The following GALNT16 variants were observed in gnomAD, a reference collection of about 807,000 sequenced individuals.
GALNT16 encodes UDP-GalNAc:polypeptide N-acetylgalactosaminyltransferase-like protein 1.
Under a neutral mutation model 76.1 loss-of-function variants are expected in GALNT16, and 40 were observed. The observed-to-expected ratio is 0.53, with a 90% CI of 0.41 to 0.68. The LOEUF is 0.68. GALNT16 is among the 30% of genes least tolerant of loss of function. The probability of loss-of-function intolerance (pLI) is 0.00; values close to 1 mark genes in which losing one functional copy is unlikely to be tolerated. For synonymous variants in GALNT16, 276 were observed against 285.2 expected, an observed-to-expected ratio of 0.97 and a Z score of 0.32; for missense variants, 621 against 731.9, an observed-to-expected ratio of 0.85 and a Z score of 1.75.
At chr14:69,316,782 G>GGGT (rs61163099) in intron 1 of GALNT16, among the ~76,000 whole-genome samples, 2 of 139,694 alleles carry the variant, frequency 1.4e-5, no homozygotes, top group East Asian at 2.2e-4. Context: ...TGTGAGGGGG[G>GGGT]GGGGCACTGA....
intron 1 of GALNT16, among the ~76,000 whole-genome samples, chr14:69,318,097 G>T (rs769456343): frequency 6.6e-6 from 1 of 152,154 alleles, no homozygotes; most frequent in Non-Finnish European, 1.5e-5. Flanking sequence ...GGAACAGCAG[G>T]GTCATCCTGA....
chr14:69,361,169 T>C (rs1045159739), downstream of GALNT16, among the ~76,000 whole-genome samples: 12 of 152,370 alleles, frequency 7.9e-5, no homozygotes, highest in South Asian at 2.5e-3. Context: ...TCCTCCAGCC[T>C]GCAGGACAGG....
intron 2 of GALNT16, among the ~76,000 whole-genome samples, chr14:69,322,975 TGTGTGTGCGCGCGCAC>T (rs1449014749): frequency 0.023 from 1,023 of 44,314 alleles, 50 homozygotes; most frequent in African/African-American, 0.15. Context: ...TGTGTGTGTG[TGTGTGTGCGCGCGCAC>T]GCGCGCACGC....
chr14:69,330,299 C>T lies in GALNT16; in HGVS notation c.691-1165C>T, dbSNP rs111742141. Reference sequence around the variant, plus strand: ...AACATGGATGAACTTTGAAAACCTACGTGAAGTGAAAGCCAGTCACGAAAA... The same window carrying T: ...AACATGGATGAACTTTGAAAACCTATGTGAAGTGAAAGCCAGTCACGAAAA... On this transcript the variant is annotated intron_variant, in intron 6 of 14. Coordinates refer to ENST00000448469, the MANE Select transcript of GALNT16 (RefSeq NM_001168368.2). Among the ~76,000 whole-genome samples the T allele has an allele frequency of 7.2e-3, 1,090 of 152,204 alleles. 16 individuals carry two copies. Among genetic ancestry groups the T allele is most frequent in the African/African-American group, 0.025 (1,022 of 41,516 alleles).
At chr14:69,314,623 A>AC (rs1308850762) in intron 1 of GALNT16, among the ~76,000 whole-genome samples, 1 of 152,208 alleles carries the variant, frequency 6.6e-6, no homozygotes, top group African/African-American at 2.4e-5. Flanking sequence ...GCCCTGTGGA[A>AC]CCCTCCTTTT....
chr14:69,307,805 T>C (rs765542072), intron 1 of GALNT16, among the ~76,000 whole-genome samples: 1 of 152,216 alleles, frequency 6.6e-6, no homozygotes, highest in Non-Finnish European at 1.5e-5. Context: ...CCCATGTGCC[T>C]AAGTACCTAA....
downstream of GALNT16, chr14:69,357,508 G>A (rs1384825184): frequency 6.6e-6 from 1 of 152,268 alleles, no homozygotes; most frequent in East Asian, 1.9e-4. Context: ...CACAGCCTGT[G>A]CTTCTTGAGC....
chr14:69,307,332 T>G (rs572725649), intron 1 of GALNT16, among the ~76,000 whole-genome samples: 2 of 152,326 alleles, frequency 1.3e-5, no homozygotes, highest in South Asian at 4.1e-4. Context: ...AAAGAAGCTC[T>G]CAGCTCTTCA....
At chr14:69,323,383 G>A (rs931081651) in intron 2 of GALNT16, among the ~76,000 whole-genome samples, 2 of 152,200 alleles carry the variant, frequency 1.3e-5, no homozygotes, top group African/African-American at 4.8e-5. Context: ...AGCCGGTGGG[G>A]AGGTCAAGTT....
intron 1 of GALNT16, among the ~76,000 whole-genome samples, chr14:69,318,811 CA>C (rs2045137729): frequency 6.6e-6 from 1 of 152,250 alleles, no homozygotes; most frequent in South Asian, 2.1e-4. Flanking sequence ...GGCTCCGTTC[CA>C]TTTCCCTGAC....
chr14:69,324,607 A>G (rs2045253500), intron 2 of GALNT16, 85 bp from the exon 3 acceptor site: 4 of 693,096 alleles, frequency 5.8e-6, no homozygotes, highest in Non-Finnish European at 9.6e-6. Context: ...AAGTATTCTC[A>G]GGCACAAGAC....
intron 1 of GALNT16, among the ~76,000 whole-genome samples, chr14:69,296,669 T>C (rs1176222507): frequency 6.6e-6 from 1 of 151,848 alleles, no homozygotes; most frequent in African/African-American, 2.4e-5. Flanking sequence ...CTCCAGCCTG[T>C]ATGACAGAGC....
chr14:69,374,722 G>GT, the GALNT16 span, among the ~76,000 whole-genome samples: 2 of 152,154 alleles, frequency 1.3e-5, no homozygotes, highest in East Asian at 1.9e-4. Context: ...TTCTGTTGCT[G>GT]TAACAAAATA....
chr14:69,259,684 G>C (rs1413305782), upstream of GALNT16: 1 of 152,468 alleles, frequency 6.6e-6, no homozygotes, highest in Non-Finnish European at 1.5e-5. Context: ...AGGACTCGCC[G>C]AACACACCTT....
At chr14:69,276,597 C>T (rs1466723529) in intron 1 of GALNT16, among the ~76,000 whole-genome samples, 2 of 151,772 alleles carry the variant, frequency 1.3e-5, no homozygotes, top group Non-Finnish European at 1.5e-5. Context: ...AGGAGAATCG[C>T]TTGTACCCAG....
chr14:69,370,455 G>T, the GALNT16 span, among the ~76,000 whole-genome samples: 1 of 152,230 alleles, frequency 6.6e-6, no homozygotes, highest in Admixed American at 6.5e-5. Flanking sequence ...GATCATGGAT[G>T]CATTGTCAGT....
At chr14:69,367,759 G>A in the GALNT16 span, among the ~76,000 whole-genome samples, 4 of 151,968 alleles carry the variant, frequency 2.6e-5, no homozygotes, top group Non-Finnish European at 5.9e-5. Context: ...GGGCAGGGTG[G>A]GGGGGAACTG....
At chr14:69,367,412 C>T in the GALNT16 span, among the ~76,000 whole-genome samples, 3 of 151,848 alleles carry the variant, frequency 2.0e-5, no homozygotes, top group Non-Finnish European at 2.9e-5. Context: ...GAACTCTCCT[C>T]CATGTGAGGG....
rs767787375 is a variant in GALNT16 at position 69,269,839 on chromosome 14, CGG to C, written c.177+9376_177+9377del. Among the ~76,000 whole-genome samples, 29 of 148,890 alleles carry C rather than the reference CGG, an allele frequency of 1.9e-4. No individual in the cohort carries two copies. In the South Asian group the frequency reaches 5.5e-3, roughly 28 times the overall value. On this transcript the variant is annotated intron_variant, in intron 1 of 14. Coordinates refer to ENST00000448469, the MANE Select transcript of GALNT16 (RefSeq NM_001168368.2). ...GTGTGTGTGTGTATGATGTATGTGT[CGG>C]GGGTGTAGTGTGTGATGTGAGGCTG... is the stretch of plus-strand genomic sequence containing the variant.
Sources: gnomAD v4.1 joint callset for allele counts (sites outside exome capture counted in the v4.1 genomes callset) on GRCh38, gnomAD v4.1.1 for gene constraint, MANE v1.5 for transcripts, NCBI Gene and HGNC (gene_info 2026-07-23, HGNC 2026-07-21) for gene names.